Variants in BTRC observed in about 807,000 individuals in gnomAD.
BTRC encodes F-box/WD repeat-containing protein 1A.
A neutral mutation model predicts 85.5 loss-of-function variants in BTRC; 42 were observed. That is an observed-to-expected ratio of 0.49 (90% CI 0.38 to 0.64). BTRC has a LOEUF of 0.64. Ranked by LOEUF, BTRC falls within the 30% of genes least tolerant of loss-of-function variation. BTRC has a pLI of 0.00. For missense variants in BTRC, 594 were observed against 743.5 expected (o/e 0.80, Z 2.34); for synonymous variants, 255 against 263.3 (o/e 0.97, Z 0.30).
intron 1 of BTRC, among the ~76,000 whole-genome samples, chr10:101,424,562 CA>C (rs1564763747): frequency 6.6e-6 from 1 of 152,188 alleles, no homozygotes; most frequent in East Asian, 1.9e-4. Context: ...AGTTGACCAA[CA>C]GGGACCTTAA....
At chr10:101,512,351 A>C (rs2061968026) in intron 4 of BTRC, among the ~76,000 whole-genome samples, 1 of 152,138 alleles carries the variant, frequency 6.6e-6, no homozygotes, top group South Asian at 2.1e-4. Flanking sequence ...GAATCCTTAG[A>C]TATCTTTTAT....
intron 4 of BTRC, among the ~76,000 whole-genome samples, chr10:101,488,417 G>A (rs1946045106): frequency 6.6e-6 from 1 of 152,142 alleles, no homozygotes; most frequent in Non-Finnish European, 1.5e-5. Context: ...GTGTTTATAG[G>A]AGGAAGAAGG....
intron 1 of BTRC, 38 bp downstream of exon 1, chr10:101,354,266 C>CT (rs1941963583): frequency 1.3e-6 from 2 of 1,546,826 alleles, no homozygotes; most frequent in Non-Finnish European, 1.7e-6. Flanking sequence ...GGTGGAGGCG[C>CT]TGGCGTTGGC....
chr10:101,488,948 G>C (rs945404925), intron 4 of BTRC, among the ~76,000 whole-genome samples: 1 of 151,924 alleles, frequency 6.6e-6, no homozygotes, highest in Non-Finnish European at 1.5e-5. Context: ...TATCATAATA[G>C]GTATAACTCT....
intron 3 of BTRC, among the ~76,000 whole-genome samples, chr10:101,476,297 T>G (rs758257256): frequency 6.6e-6 from 1 of 151,990 alleles, no homozygotes; most frequent in Non-Finnish European, 1.5e-5. Context: ...GATCCTAGAT[T>G]AGATGCTGAA....
chr10:101,430,495 A>G, intron 2 of BTRC, 43 bp downstream of exon 2: 3 of 1,500,122 alleles, frequency 2.0e-6, no homozygotes, highest in Non-Finnish European at 2.8e-6. Context: ...GCATTAGTGT[A>G]TGTGTCTAAT....
chr10:101,471,586 T>C (rs187852271), intron 3 of BTRC, among the ~76,000 whole-genome samples: 3 of 152,328 alleles, frequency 2.0e-5, no homozygotes, highest in Admixed American at 1.3e-4. Flanking sequence ...TATGCTGGTC[T>C]TATAAAATGA....
intron 5 of BTRC, among the ~76,000 whole-genome samples, chr10:101,525,304 A>C (rs1447925192): frequency 6.6e-6 from 1 of 152,140 alleles, no homozygotes; most frequent in Admixed American, 6.5e-5. Flanking sequence ...AATGCTAACC[A>C]AGTTATCTTT....
chr10:101,468,839 TAG>T (rs1465258486), intron 3 of BTRC, among the ~76,000 whole-genome samples: 2 of 152,222 alleles, frequency 1.3e-5, no homozygotes, highest in Non-Finnish European at 2.9e-5. Flanking sequence ...CAATCCCTTT[TAG>T]TGTGTTATAT....
intron 1 of BTRC, among the ~76,000 whole-genome samples, chr10:101,410,910 CTTA>C (rs1211322463): frequency 6.6e-6 from 1 of 150,524 alleles, no homozygotes; most frequent in Non-Finnish European, 1.5e-5. Flanking sequence ...AACACTGTAA[CTTA>C]TTATTTTTGC....
chr10:101,424,587 GTCATTCAGCTT>G lies in BTRC; in HGVS notation c.49-5755_49-5745del, dbSNP rs201062358. On this transcript the variant is annotated intron_variant, in intron 1 of 14. Coordinates refer to ENST00000370187, the MANE Select transcript of BTRC (RefSeq NM_033637.4). The stretch of plus-strand genomic sequence containing the variant: ...CAGGGACCTTAATTTAGGAGATTTT[GTCATTCAGCTT>G]TCGTATAGTAAATGCTGAGGCTAGC... Among the ~76,000 whole-genome samples the G allele has an allele frequency of 4.4e-4, 67 of 152,266 alleles. No individual in the cohort carries two copies. In the East Asian group the frequency reaches 0.013, roughly 29 times the overall value.
intron 2 of BTRC, among the ~76,000 whole-genome samples, chr10:101,442,238 T>TG (rs1944701033): frequency 7.8e-6 from 1 of 128,582 alleles, no homozygotes; most frequent in Non-Finnish European, 1.8e-5. Context: ...TTTCTGGAGT[T>TG]GCGACTGCAC....
At chr10:101,522,409 C>CCTT (rs2062128696) in intron 5 of BTRC, among the ~76,000 whole-genome samples, 1 of 29,534 alleles carries the variant, frequency 3.4e-5, no homozygotes, top group Non-Finnish European at 5.7e-5. Flanking sequence ...ATAAAGACTC[C>CCTT]TTTTTTTTTT....
At chr10:101,472,895 G>A (rs1028942827) in intron 3 of BTRC, among the ~76,000 whole-genome samples, 9 of 151,886 alleles carry the variant, frequency 5.9e-5, no homozygotes, top group African/African-American at 1.9e-4. Context: ...TTTATCACTC[G>A]TTTTCAGCAG....
At position 101,422,553 on chromosome 10, in the gene BTRC, T is replaced by C. The variant is rs561752346; in HGVS notation, c.49-7792T>C. 2.5e-4 allele frequency among the ~76,000 whole-genome samples: 38 copies of C among 152,378 alleles called. 2 individuals are homozygous for C. Among genetic ancestry groups the C allele is most frequent in the Admixed American group, 8.5e-4 (13 of 15,306 alleles). On this transcript the variant is annotated intron_variant, in intron 1 of 14. Transcript: ENST00000370187. ...CATGAAGTCCTTGCCCATGCCTATG[T>C]CCTGAATGGTATTGCCTAGGTTTTC... is the stretch of plus-strand genomic sequence containing the variant.
chr10:101,517,713 T>A (rs1188778656), intron 4 of BTRC, among the ~76,000 whole-genome samples: 1 of 152,340 alleles, frequency 6.6e-6, no homozygotes, highest in East Asian at 1.9e-4. Context: ...CTGAATCTTT[T>A]CCCAGTGTCC....
chr10:101,460,948 G>A (rs1344398878), intron 2 of BTRC, among the ~76,000 whole-genome samples: 1 of 152,144 alleles, frequency 6.6e-6, no homozygotes, highest in Non-Finnish European at 1.5e-5. Flanking sequence ...TGTCACTCAG[G>A]CTGGAGTGCA....
rs1354915054 is a variant in BTRC, at chr10:101,366,989, T to TAA, written c.48+12762_48+12763insAA. On this transcript the variant is annotated intron_variant, in intron 1 of 14. Coordinates refer to ENST00000370187, the MANE Select transcript of BTRC (RefSeq NM_033637.4). ...ATAAATATATATTTATATATTTATA[T>TAA]ATATTAATATATATATTTATATATA... 6.5e-4 allele frequency among the ~76,000 whole-genome samples: 47 copies of TAA among 72,504 alleles called. 3 individuals are homozygous for TAA. Among genetic ancestry groups the TAA allele is most frequent in the African/African-American group, 2.5e-3 (46 of 18,628 alleles). 47.6% of individuals were successfully genotyped at this position (72,504 alleles called of 152,430 possible).
chr10:101,422,585 G>A (rs1460498512), intron 1 of BTRC, among the ~76,000 whole-genome samples: 1 of 152,096 alleles, frequency 6.6e-6, no homozygotes, highest in East Asian at 1.9e-4. Flanking sequence ...TTTCTTCTAG[G>A]GTTTTTATGG....
Sources: allele counts gnomAD v4.1 joint callset (sites outside exome capture counted in the v4.1 genomes callset), GRCh38; gene constraint gnomAD v4.1.1; transcripts MANE v1.5; gene names NCBI Gene and HGNC (gene_info 2026-07-23, HGNC 2026-07-21).